TLL1: variants seen among roughly 807,000 people sequenced by gnomAD.
The protein encoded by TLL1 is tolloid-like protein 1.
Under a neutral mutation model 128.2 loss-of-function variants are expected in TLL1, and 49 were observed. That is an observed-to-expected ratio of 0.38 (90% confidence interval 0.30 to 0.48). TLL1 has a LOEUF of 0.48. TLL1 is among the 20% of genes least tolerant of loss of function. TLL1 has a pLI of 0.96. For missense variants in TLL1, 1,123 were observed against 1,242.0 expected, an observed-to-expected ratio of 0.90 and a Z score of 1.44; for synonymous variants, 454 against 418.8, an observed-to-expected ratio of 1.08 and a Z score of -1.03.
rs533587840 is a variant in TLL1, at chr4:165,911,646, C to CT, written c.169+37580dup. 1.5e-4 allele frequency among the ~76,000 whole-genome samples: 23 copies of CT among 152,166 alleles called. No homozygotes were observed. The South Asian group carries it at 4.4e-3, about 29-fold the overall frequency. ...TCAAGTGCCCTCATTTCTGAACCCC[C>CT]TTTTTTTAATTTTCAAGTTAACTTT... is the stretch of plus-strand genomic sequence containing the variant. On this transcript the variant is annotated intron_variant, in intron 1 of 20. Coordinates refer to ENST00000061240, the MANE Select transcript of TLL1 (RefSeq NM_012464.5).
intron 18 of TLL1, among the ~76,000 whole-genome samples, chr4:166,089,708 GCCTT>G (rs1741674971): frequency 6.6e-6 from 1 of 152,002 alleles, no homozygotes; most frequent in Non-Finnish European, 1.5e-5. Flanking sequence ...AATGAAGTAA[GCCTT>G]CCTTTTCATC....
chr4:166,031,821 GAATA>G (rs1166628329), intron 9 of TLL1, among the ~76,000 whole-genome samples: 1 of 152,010 alleles, frequency 6.6e-6, no homozygotes, highest in Admixed American at 6.6e-5. Flanking sequence ...ATAAACAATT[GAATA>G]AATAGGAGTA....
At chr4:165,998,775 G>A (rs184119569) in intron 5 of TLL1, among the ~76,000 whole-genome samples, 1 of 151,196 alleles carries the variant, frequency 6.6e-6, no homozygotes, top group Admixed American at 6.6e-5. Flanking sequence ...CCAGCCTGGG[G>A]GACAGAGCAA....
At chr4:165,984,129 A>G (rs544899152) in intron 1 of TLL1, among the ~76,000 whole-genome samples, 12 of 152,028 alleles carry the variant, frequency 7.9e-5, no homozygotes, top group African/African-American at 2.9e-4. Flanking sequence ...CTTTTCTATT[A>G]TTAGGAATTT....
intron 1 of TLL1, among the ~76,000 whole-genome samples, chr4:165,913,038 A>G (rs1732611136): frequency 6.6e-6 from 1 of 152,180 alleles, no homozygotes; most frequent in African/African-American, 2.4e-5. Flanking sequence ...TGAAGCAATT[A>G]CGTGTTTATT....
chr4:165,929,491 A>G (rs1733421687), intron 1 of TLL1, among the ~76,000 whole-genome samples: 1 of 151,366 alleles, frequency 6.6e-6, no homozygotes, highest in Non-Finnish European at 1.5e-5. Context: ...GTGAGCCAAG[A>G]TCGTGCCACT....
intron 1 of TLL1, among the ~76,000 whole-genome samples, chr4:165,952,641 G>C (rs1348884264): frequency 6.6e-6 from 1 of 152,050 alleles, no homozygotes; most frequent in African/African-American, 2.4e-5. Flanking sequence ...CCCCAGAATA[G>C]TGTACTCCTT....
chr4:165,975,867 G>A (rs1472451420), intron 1 of TLL1, among the ~76,000 whole-genome samples: 9 of 151,640 alleles, frequency 5.9e-5, no homozygotes, highest in South Asian at 4.2e-4. Context: ...CTGAAACCCC[G>A]TCTCTACTAA....
At chr4:166,007,144 C>A (rs1737477257) in intron 6 of TLL1, among the ~76,000 whole-genome samples, 1 of 151,790 alleles carries the variant, frequency 6.6e-6, no homozygotes, top group East Asian at 1.9e-4. Context: ...GTCACCAAAG[C>A]TTAAACTCTG....
In TLL1 at chr4:165,873,840, T is replaced by C; in HGVS notation, c.-65T>C. The C allele has an allele frequency of 6.3e-7, 1 of 1,593,204 alleles. No homozygotes were observed. On this transcript the variant is annotated 5_prime_UTR_variant, in exon 1 of 21. Coordinates refer to ENST00000061240, the MANE Select transcript of TLL1 (RefSeq NM_012464.5). ...GCACCGGTGCCCCTAGCCCCGCACATCAGCGCGGACCGCGGCTGCCTAACC... is the reference window on the plus strand; with the variant it reads ...GCACCGGTGCCCCTAGCCCCGCACACCAGCGCGGACCGCGGCTGCCTAACC...
rs1742362690 is a variant in TLL1, at chr4:166,103,088, G to T, written c.*2212G>T. On this transcript the variant is annotated 3_prime_UTR_variant, in exon 21 of 21. Coordinates refer to ENST00000061240, the MANE Select transcript of TLL1 (RefSeq NM_012464.5). ...TGTAGTTCAGAAAGTGAGGCTCAAA[G>T]AATTTATGTAACCTTCCCAGAGTCA... 2 of 151,896 alleles carry T rather than the reference G, an allele frequency of 1.3e-5. No individual in the cohort carries two copies. The highest frequency in any genetic ancestry group is 2.4e-5 in the African/African-American group (1 of 41,420). 9.4% of individuals were successfully genotyped at this position (151,896 alleles called of 1,614,324 possible).
At chr4:165,957,283 C>G (rs557937680) in intron 1 of TLL1, among the ~76,000 whole-genome samples, 1 of 152,042 alleles carries the variant, frequency 6.6e-6, no homozygotes, top group Non-Finnish European at 1.5e-5. Context: ...GTAAAGGATT[C>G]AATTCACAAG....
chr4:166,016,210 G>GA (rs1427912521), intron 8 of TLL1, among the ~76,000 whole-genome samples: 1 of 151,796 alleles, frequency 6.6e-6, no homozygotes, highest in Admixed American at 6.6e-5. Context: ...ATTTCCATAG[G>GA]AAAAAATGAA....
At position 165,906,805 on chromosome 4, in the gene TLL1, C is replaced by A. The variant is rs150308736; in HGVS notation, c.169+32732C>A. Among the ~76,000 whole-genome samples, 8 of 142,186 alleles carry A rather than the reference C, an allele frequency of 5.6e-5. No homozygotes were observed. In the East Asian group the frequency reaches 1.6e-3, roughly 29 times the overall value. 93.3% of individuals were successfully genotyped at this position (142,186 alleles called of 152,430 possible). ...TTTATAGGATAGTAGACTACAGATC[C>A]TTTTGTCAGCTTATTTCTCCAGTTT... On this transcript the variant is annotated intron_variant, in intron 1 of 20. Transcript: ENST00000061240.
chr4:165,968,286 C>A (rs1354307), intron 1 of TLL1, among the ~76,000 whole-genome samples: 117,601 of 152,106 alleles, frequency 0.77, 46,598 homozygotes, highest in African/African-American at 0.95. Flanking sequence ...TTTTGAAGAA[C>A]TATTACATTA....
rs1256521504 is a variant in TLL1 at position 166,099,258 on chromosome 4, A to G, written c.2657-19A>G. On this transcript the variant is annotated intron_variant, in intron 19 of 20. Transcript: ENST00000061240. ...AAAGCTCATTGACCTTACTCATCTT[A>G]TTTTTCTTTCCTGGGCAGAGTGTGG... 6.2e-7 allele frequency: 1 copy of G among 1,613,310 alleles called. No individual in the cohort carries two copies. Among genetic ancestry groups the G allele is most frequent in the Non-Finnish European group, 8.5e-7 (1 of 1,179,518 alleles).
rs377015376 is a variant in TLL1 at position 165,986,077 on chromosome 4, C to T, written c.170-3304C>T. ...TCATGTATTAAATGGGCCAAATGAA[C>T]GATAATTCATACTTTAAGACTGTTT... On this transcript the variant is annotated intron_variant, in intron 1 of 20. Transcript: ENST00000061240. Among the ~76,000 whole-genome samples, 169 of 151,662 alleles carry T rather than the reference C, an allele frequency of 1.1e-3. 1 individual carries two copies. Among genetic ancestry groups the T allele is most frequent in the African/African-American group, 3.9e-3 (160 of 41,342 alleles).
chr4:166,012,712 G>C (rs1251332712), intron 7 of TLL1, among the ~76,000 whole-genome samples: 1 of 151,616 alleles, frequency 6.6e-6, no homozygotes, highest in Non-Finnish European at 1.5e-5. Flanking sequence ...GCCTGGAGTG[G>C]TTTCTTATGA....
rs569328687 is a variant in TLL1 at position 166,082,374 on chromosome 4, A to G, written c.2442+4344A>G. ...CAACTCCAAGTAACATTTTTGTTCT[A>G]TATTTTTTAACTCTTGCCATTTTGA... On this transcript the variant is annotated intron_variant, in intron 18 of 20. Coordinates refer to ENST00000061240, the MANE Select transcript of TLL1 (RefSeq NM_012464.5). Among the ~76,000 whole-genome samples, 3 of 152,254 alleles carry G rather than the reference A, an allele frequency of 2.0e-5. No homozygotes were observed. In the South Asian group the frequency reaches 6.2e-4, roughly 32 times the overall value.
Sources: gnomAD v4.1 joint callset for allele counts (sites outside exome capture counted in the v4.1 genomes callset) on GRCh38, gnomAD v4.1.1 for gene constraint, MANE v1.5 for transcripts, NCBI Gene and HGNC (gene_info 2026-07-23, HGNC 2026-07-21) for gene names.